Variants in NSD3 observed in about 807,000 individuals in gnomAD.
The protein encoded by NSD3 is histone-lysine N-methyltransferase NSD3.
NSD3 carries 24 observed loss-of-function variants against 160.8 expected under a neutral mutation model. That is an observed-to-expected ratio of 0.15 (90% CI 0.11 to 0.21). NSD3 has a LOEUF of 0.21. Among genes scored for constraint, NSD3 ranks in the 10% least tolerant of loss-of-function variants. The pLI is 1.00. For synonymous variants in NSD3, 520 were observed against 600.0 expected (o/e 0.87, Z 1.95); for missense variants, 1,157 against 1,735.9 (o/e 0.67, Z 5.93).
At chr8:38,337,050 G>A (rs1309557673) in intron 4 of NSD3, among the ~76,000 whole-genome samples, 1 of 151,354 alleles carries the variant, frequency 6.6e-6, no homozygotes, top group African/African-American at 2.4e-5. Flanking sequence ...GCCCAGGCAG[G>A]AGAATCACTT....
At chr8:38,299,639 A>T (rs773607560) in intron 14 of NSD3, 49 bp from the exon 15 acceptor site, 1 of 1,468,366 alleles carries the variant, frequency 6.8e-7, no homozygotes, top group South Asian at 1.6e-5. Context: ...ACTACCCATG[A>T]TTCCATGAGG....
At chr8:38,376,955 A>C (rs770420562) in intron 1 of NSD3, among the ~76,000 whole-genome samples, 2 of 152,216 alleles carry the variant, frequency 1.3e-5, no homozygotes, top group Non-Finnish European at 2.9e-5. Flanking sequence ...CTAACAAACT[A>C]AATGTTAATC....
chr8:38,318,163 C>A lies in NSD3; in HGVS notation c.1855+732G>T. On this transcript the variant is annotated intron_variant, in intron 9 of 23. Transcript: ENST00000317025. This position sits in a 1 kb window ranked among gnomAD's most constrained non-coding sequence, Gnocchi z 5.3. ...GGCTGTTCAGTTCTGCTGAGGATCT[C>A]CACGGAGACCATCGCTGCAGACTTC... The A allele has an allele frequency of 9.3e-7, 1 of 1,077,952 alleles. No individual in the cohort carries two copies. Among genetic ancestry groups the A allele is most frequent in the Non-Finnish European group, 1.3e-6 (1 of 752,958 alleles). The allele number at this position is 1,077,952 out of a possible 1,614,324, so 66.8% of individuals were successfully genotyped here.
In NSD3 at chr8:38,304,754, C is replaced by T. The variant is rs760732116; in HGVS notation, c.2444G>A (p.Arg815His). 40 of 1,603,494 alleles carry T rather than the reference C, an allele frequency of 2.5e-5. No individual in the cohort carries two copies. Among genetic ancestry groups the T allele is most frequent in the Admixed American group, 2.1e-4 (12 of 57,798 alleles). The part of the protein sequence containing the change: ...EKDIHKASKG[R>H]MMRCLRCPVA... Reference sequence around the variant, plus strand: ...TGGACATCTTAAACATCTCATCATGCGGCCTGTTTAAAGACAAGTCAAAAA... The same window carrying T: ...TGGACATCTTAAACATCTCATCATGTGGCCTGTTTAAAGACAAGTCAAAAA... Residue 815 changes from arginine to histidine, a missense_variant, in exon 14 of 24, where the codon CGC becomes CAC. Physicochemically the swap from Arg to His is conservative, Grantham distance 29 (BLOSUM62 0). This residue lies in a region of NSD3 where 437 missense variants were observed against 576.6 expected (regional missense o/e 0.76). Transcript: ENST00000317025.
chr8:38,311,871 C>T (rs1431043739), intron 12 of NSD3, among the ~76,000 whole-genome samples: 1 of 152,196 alleles, frequency 6.6e-6, no homozygotes, highest in East Asian at 1.9e-4. Context: ...CATCCATTGT[C>T]ATGAAGCTTT....
At chr8:38,342,579 T>C (rs1810401417) in intron 2 of NSD3, among the ~76,000 whole-genome samples, 1 of 152,154 alleles carries the variant, frequency 6.6e-6, no homozygotes, top group Non-Finnish European at 1.5e-5. Context: ...CTAGTACTTT[T>C]TTTTTTTGAG....
chr8:38,288,337 G>A lies in NSD3; in HGVS notation c.3501+150C>T. On this transcript the variant is annotated intron_variant, in intron 19 of 23. Coordinates refer to ENST00000317025, the MANE Select transcript of NSD3 (RefSeq NM_023034.2). The surrounding 1 kb of genome is among the most constrained non-coding windows in gnomAD (Gnocchi z 4.5). ...TATCTTCTTCCTACTACTCTTCTTT[G>A]CTCAAGAAGTACCAAACTCTCAACA... 2 of 1,119,226 alleles carry A rather than the reference G, an allele frequency of 1.8e-6. No individual in the cohort carries two copies. The allele number at this position is 1,119,226 out of a possible 1,614,324, so 69.3% of individuals were successfully genotyped here.
In NSD3 at chr8:38,304,729, T is replaced by G. The variant is rs566817618; in HGVS notation, c.2469A>C (p.Pro823=). 3 of 1,612,718 alleles carry G rather than the reference T, an allele frequency of 1.9e-6. No homozygotes were observed. The South Asian group carries it at 3.3e-5, about 18-fold the overall frequency. ...AAGCATCTCCAGAGTGATAGGCAAC[T>G]GGACATCTTAAACATCTCATCATGC... ...KGRMMRCLRC[P]VAYHSGDACI... The change falls in exon 14 of 24, where the codon CCA becomes CCC. Residue 823 remains proline, a synonymous_variant. Coordinates refer to ENST00000317025, the MANE Select transcript of NSD3 (RefSeq NM_023034.2).
chr8:38,363,280 G>A (rs1385018591), intron 1 of NSD3, among the ~76,000 whole-genome samples: 2 of 152,172 alleles, frequency 1.3e-5, no homozygotes, highest in Admixed American at 1.3e-4. Flanking sequence ...ATAATCACAA[G>A]GATCCTTATC....
rs1483030980 is a variant in NSD3, at chr8:38,273,945, A to T, written c.*1696T>A. 1.3e-5 allele frequency: 2 copies of T among 152,234 alleles called. No homozygotes were observed. The highest frequency in any genetic ancestry group is 2.4e-5 in the African/African-American group (1 of 41,456). The allele number at this position is 152,234 out of a possible 1,614,324, so 9.4% of individuals were successfully genotyped here. A position where few individuals can be genotyped will look rare whatever the true frequency, so the allele number is the denominator to read the frequency against. On this transcript the variant is annotated 3_prime_UTR_variant, in exon 24 of 24. Coordinates refer to ENST00000317025, the MANE Select transcript of NSD3 (RefSeq NM_023034.2). ...AAATCCAGTATAATTGCACATTTAC[A>T]TACAAAAAAAAGAGGCACAAAACAG...
chr8:38,311,665 T>C (rs548760008), intron 12 of NSD3, among the ~76,000 whole-genome samples: 34 of 152,306 alleles, frequency 2.2e-4, no homozygotes, highest in Non-Finnish European at 4.3e-4. Context: ...GAAGGCGTTC[T>C]CTATATATTC....
intron 7 of NSD3, among the ~76,000 whole-genome samples, chr8:38,325,275 T>G: frequency 6.6e-6 from 1 of 152,310 alleles, no homozygotes; most frequent in East Asian, 1.9e-4. Flanking sequence ...AGCTGGTCAG[T>G]GTGGGAAAAC....
chr8:38,348,947 C>A (rs1219535393), intron 1 of NSD3, among the ~76,000 whole-genome samples: 1 of 152,178 alleles, frequency 6.6e-6, no homozygotes, highest in African/African-American at 2.4e-5. Context: ...GCGTCAGCCA[C>A]CACGACTGGC....
Position 38,288,429 on chromosome 8 carries a change from G to A in NSD3, c.3501+58C>T, listed in dbSNP as rs1808916435. 1 of 1,577,490 alleles carries A rather than the reference G, an allele frequency of 6.3e-7. No homozygotes were observed. The highest frequency in any genetic ancestry group is 1.2e-5 in the South Asian group (1 of 84,960). ...ATCCCTAGAACTATACCCTACTGAA[G>A]CATTCCTGAAAAGCCAGGTTCTGGT... On this transcript the variant is annotated intron_variant, in intron 19 of 23. Coordinates refer to ENST00000317025, the MANE Select transcript of NSD3 (RefSeq NM_023034.2). This position sits in a 1 kb window ranked among gnomAD's most constrained non-coding sequence, Gnocchi z 4.5.
intron 12 of NSD3, among the ~76,000 whole-genome samples, chr8:38,311,600 A>G (rs1215439762): frequency 6.6e-6 from 1 of 152,206 alleles, no homozygotes; most frequent in Non-Finnish European, 1.5e-5. Flanking sequence ...TGCCGGTATT[A>G]CAGACATAAG....
rs894336386 is a variant in NSD3, at chr8:38,382,156, G to C, written c.-402C>G. ...CGGCCTGGGTAGCACGGTCCTCGGCGCTCGGCTCGGAATTCGCACGCCTCT... is the reference window on the plus strand; with the variant it reads ...CGGCCTGGGTAGCACGGTCCTCGGCCCTCGGCTCGGAATTCGCACGCCTCT... On this transcript the variant is annotated 5_prime_UTR_variant, in exon 1 of 24. Transcript: ENST00000317025. This position sits in a 1 kb window ranked among gnomAD's most constrained non-coding sequence, Gnocchi z 4.2. 3 of 153,254 alleles carry C rather than the reference G, an allele frequency of 2.0e-5. No individual in the cohort carries two copies. The highest frequency in any genetic ancestry group is 4.4e-5 in the Non-Finnish European group (3 of 68,230). The allele number at this position is 153,254 out of a possible 1,614,324, so 9.5% of individuals were successfully genotyped here.
intron 2 of NSD3, 92 bp downstream of exon 2, chr8:38,347,405 C>T (rs1263533383): frequency 7.5e-7 from 1 of 1,337,298 alleles, no homozygotes; most frequent in Non-Finnish European, 1.0e-6. Flanking sequence ...CAGACAGATT[C>T]ATATTTAAAG....
rs574969585 is a variant in NSD3, at chr8:38,286,996, A to G, written c.3501+1491T>C. 3.9e-5 allele frequency among the ~76,000 whole-genome samples: 6 copies of G among 152,302 alleles called. No homozygotes were observed. The South Asian group carries it at 1.2e-3, about 32-fold the overall frequency. On this transcript the variant is annotated intron_variant, in intron 19 of 23. Coordinates refer to ENST00000317025, the MANE Select transcript of NSD3 (RefSeq NM_023034.2). ...GTTAATGGCACTCGACATGTTTACTATCTGTCTCCTCAAGCAGATCCACTA... is the reference window on the plus strand; with the variant it reads ...GTTAATGGCACTCGACATGTTTACTGTCTGTCTCCTCAAGCAGATCCACTA...
At chr8:38,297,978 T>C (rs760227474) in intron 15 of NSD3, among the ~76,000 whole-genome samples, 1 of 151,974 alleles carries the variant, frequency 6.6e-6, no homozygotes, top group Non-Finnish European at 1.5e-5. Flanking sequence ...TCAGAGGAAA[T>C]ACAGAGCCAG....
Sources: allele counts gnomAD v4.1 joint callset (sites outside exome capture counted in the v4.1 genomes callset), GRCh38; gene constraint gnomAD v4.1.1; regional missense constraint gnomAD v4.1.1; non-coding constraint Gnocchi (gnomAD v3.1); transcripts MANE v1.5; gene names NCBI Gene and HGNC (gene_info 2026-07-23, HGNC 2026-07-21).